The following FOXP2 variants were observed in gnomAD, a reference collection of about 807,000 sequenced individuals.
FOXP2 encodes forkhead box P2, also known as forkhead box protein P2.
FOXP2 carries 12 observed loss-of-function variants against 115.8 expected under a neutral mutation model. That is an observed-to-expected ratio of 0.10 (90% confidence interval 0.07 to 0.17). The LOEUF (loss-of-function observed/expected upper bound fraction) is 0.17, where lower values mean the gene tolerates loss of function less well. Ranked by LOEUF, FOXP2 falls within the 10% of genes least tolerant of loss-of-function variation. The pLI, the probability that FOXP2 is intolerant of heterozygous loss-of-function variation, is 1.00. For synonymous variants in FOXP2, 328 were observed against 297.7 expected, an observed-to-expected ratio of 1.10 and a Z score of -1.05; for missense variants, 629 against 843.5, an observed-to-expected ratio of 0.75 and a Z score of 3.15.
intron 3 of FOXP2, among the ~76,000 whole-genome samples, chr7:114,580,450 T>C (rs970718132): frequency 2.0e-5 from 3 of 152,050 alleles, no homozygotes; most frequent in African/African-American, 7.2e-5. Flanking sequence ...TGATGGCATA[T>C]TCCTGTAGTC....
intron 2 of FOXP2, among the ~76,000 whole-genome samples, chr7:114,400,786 G>C (rs1792869301): frequency 6.6e-6 from 1 of 152,096 alleles, no homozygotes; most frequent in African/African-American, 2.4e-5. Context: ...ATGTGGCCCA[G>C]TTCCTAACAG....
intron 7 of FOXP2, 53 bp downstream of exon 7, chr7:114,642,676 AC>A: frequency 6.6e-7 from 1 of 1,516,380 alleles, no homozygotes; most frequent in Non-Finnish European, 9.1e-7. Context: ...TTTTATTTTC[AC>A]CATTGAGACA....
intron 3 of FOXP2, among the ~76,000 whole-genome samples, chr7:114,567,311 A>G (rs187348287): frequency 2.0e-4 from 31 of 152,220 alleles, no homozygotes; most frequent in African/African-American, 7.5e-4. Flanking sequence ...TTTAATAACC[A>G]TATGATGATG....
chr7:114,143,074 G>A (rs1792265596), intron 1 of FOXP2, among the ~76,000 whole-genome samples: 1 of 151,336 alleles, frequency 6.6e-6, no homozygotes, highest in African/African-American at 2.4e-5. Context: ...CCTGAGCCCA[G>A]GAGGTGAAGG....
chr7:114,509,583 G>A (rs187445151), intron 2 of FOXP2, among the ~76,000 whole-genome samples: 1 of 151,176 alleles, frequency 6.6e-6, no homozygotes, highest in Non-Finnish European at 1.5e-5. Context: ...AGGAATCAAG[G>A]ATGATCGCAA....
rs560752938 is a variant in FOXP2 at position 114,209,990 on chromosome 7, GTTC to G, written c.-102+46907_-102+46909del. Among the ~76,000 whole-genome samples the G allele has an allele frequency of 2.8e-3, 430 of 152,220 alleles. 2 individuals are homozygous for G. The highest frequency in any genetic ancestry group is 9.4e-3 in the African/African-American group (392 of 41,524). Reference sequence around the variant, plus strand: ...TTTTCAGCTCCATCAGGTCAGTTATGTTCTTCTCCATACTGGCTATTTTGGCTG... The same window carrying G: ...TTTTCAGCTCCATCAGGTCAGTTATGTTCTCCATACTGGCTATTTTGGCTG... On this transcript the variant is annotated intron_variant, in intron 1 of 17. Transcript: ENST00000634411.
intron 1 of FOXP2, among the ~76,000 whole-genome samples, chr7:114,121,299 A>C (rs1434847375): frequency 6.6e-6 from 1 of 152,096 alleles, no homozygotes; most frequent in Non-Finnish European, 1.5e-5. Flanking sequence ...GGCCCTCATC[A>C]GAACTGGGCC....
At chr7:114,116,704 C>T (rs991500534) in intron 1 of FOXP2, among the ~76,000 whole-genome samples, 2 of 151,944 alleles carry the variant, frequency 1.3e-5, no homozygotes, top group Non-Finnish European at 2.9e-5. Context: ...TAATAGTAAA[C>T]TATATGGGAT....
At chr7:114,248,821 C>G (rs1274311113) in intron 1 of FOXP2, among the ~76,000 whole-genome samples, 1 of 152,142 alleles carries the variant, frequency 6.6e-6, no homozygotes, top group Non-Finnish European at 1.5e-5. Context: ...ATCCTCACAA[C>G]AGCCAAATGA....
Position 114,148,350 on chromosome 7 carries a change from A to G in FOXP2, c.-246-14594A>G, listed in dbSNP as rs772199789. Among the ~76,000 whole-genome samples, 11 of 152,202 alleles carry G rather than the reference A, an allele frequency of 7.2e-5. 1 individual carries two copies. The highest frequency in any genetic ancestry group is 3.9e-4 in the Admixed American group (6 of 15,276). On this transcript the variant is annotated intron_variant, in intron 1 of 19. Coordinates refer to the FOXP2 transcript ENST00000635638. ...ACATGATTTATTTTTTCTTTCTAAA[A>G]ACTTTCTTTTTCCTTAATTTCTGTA...
At chr7:114,478,121 G>A (rs1384152473) in intron 2 of FOXP2, among the ~76,000 whole-genome samples, 7 of 151,694 alleles carry the variant, frequency 4.6e-5, no homozygotes, top group Admixed American at 4.6e-4. Context: ...GAGCATCTAA[G>A]GAAAAATAGA....
At position 114,677,855 on chromosome 7, in the gene FOXP2, G is replaced by A. The variant is rs1563074771; in HGVS notation, c.2004-11927G>A. Among the ~76,000 whole-genome samples the A allele has an allele frequency of 3.3e-5, 5 of 152,170 alleles. 1 individual carries two copies. The East Asian group carries it at 9.6e-4, about 29-fold the overall frequency. ...TTGCGAGGTTGAATGACCCATAGAT[G>A]AGTTTCATTCATTTAAATTGGATAA... On this transcript the variant is annotated intron_variant, in intron 16 of 16. Coordinates refer to ENST00000350908, the MANE Select transcript of FOXP2 (RefSeq NM_014491.4).
At chr7:114,275,398 A>G (rs77806707) in intron 1 of FOXP2, among the ~76,000 whole-genome samples, 1 of 152,152 alleles carries the variant, frequency 6.6e-6, no homozygotes, top group South Asian at 2.1e-4. Context: ...TTACTGAGAT[A>G]TCCTCAAGTG....
chr7:114,518,487 C>G (rs555931563), intron 2 of FOXP2, among the ~76,000 whole-genome samples: 7 of 151,776 alleles, frequency 4.6e-5, no homozygotes, highest in African/African-American at 9.7e-5. Context: ...CAGTAACAGC[C>G]CTTTGACCCA....
upstream of FOXP2, among the ~76,000 whole-genome samples, chr7:114,413,373 A>T (rs1793213638): frequency 6.6e-6 from 1 of 152,126 alleles, no homozygotes; most frequent in Admixed American, 6.5e-5. Flanking sequence ...TATTGCTCAT[A>T]TAATTTCATT....
At chr7:114,188,163 T>TAAATTG (rs1185235784) in intron 1 of FOXP2, among the ~76,000 whole-genome samples, 55 of 152,318 alleles carry the variant, frequency 3.6e-4, no homozygotes, top group African/African-American at 1.3e-3. Flanking sequence ...ACAGTCATGG[T>TAAATTG]GCTCTACTAA....
At chr7:114,517,655 A>G (rs1798412155) in intron 2 of FOXP2, among the ~76,000 whole-genome samples, 1 of 152,094 alleles carries the variant, frequency 6.6e-6, no homozygotes, top group Non-Finnish European at 1.5e-5. Context: ...ATTTACTTCT[A>G]GGCCCTCTTT....
chr7:114,548,361 G>A (rs545531095), intron 3 of FOXP2, among the ~76,000 whole-genome samples: 74 of 152,266 alleles, frequency 4.9e-4, no homozygotes, highest in Admixed American at 9.8e-4. Context: ...CAGGCACTTT[G>A]TCACATTGAA....
intron 3 of FOXP2, among the ~76,000 whole-genome samples, chr7:114,536,008 G>C (rs1419580668): frequency 6.6e-6 from 1 of 151,494 alleles, no homozygotes; most frequent in Non-Finnish European, 1.5e-5. Flanking sequence ...GGGAGCGTAG[G>C]TGTAGTATTT....
Sources: allele counts gnomAD v4.1 joint callset (sites outside exome capture counted in the v4.1 genomes callset), GRCh38; gene constraint gnomAD v4.1.1; transcripts MANE v1.5; gene names NCBI Gene and HGNC (gene_info 2026-07-23, HGNC 2026-07-21).